The following KCNMA1 variants were observed in gnomAD, a reference collection of about 807,000 sequenced individuals.
The protein encoded by KCNMA1 is potassium calcium-activated channel subfamily M alpha 1.
KCNMA1 carries 29 observed loss-of-function variants against 140.0 expected under a neutral mutation model. The observed-to-expected ratio is 0.21, with a 90% CI of 0.15 to 0.28. The LOEUF (loss-of-function observed/expected upper bound fraction) is 0.28, where lower values mean the gene tolerates loss of function less well. KCNMA1 is among the 10% of genes least tolerant of loss of function. The probability of loss-of-function intolerance (pLI) is 1.00; values close to 1 mark genes in which losing one functional copy is unlikely to be tolerated. For synonymous variants in KCNMA1, 612 were observed against 611.9 expected (o/e 1.00, Z 0.00); for missense variants, 880 against 1,602.2 (o/e 0.55, Z 7.70).
At chr10:77,480,628 A>G (rs573846634) in intron 1 of KCNMA1, among the ~76,000 whole-genome samples, 54 of 152,318 alleles carry the variant, frequency 3.5e-4, no homozygotes, top group African/African-American at 1.3e-3. Context: ...TTTGGAGACC[A>G]GGCTATGGCT....
At chr10:77,134,193 G>C (rs2097923778) in intron 5 of KCNMA1, among the ~76,000 whole-genome samples, 1 of 152,082 alleles carries the variant, frequency 6.6e-6, no homozygotes, top group Admixed American at 6.5e-5. Context: ...TGTAAAAGGA[G>C]TCATACAATC....
At chr10:77,191,550 T>G (rs548756671) in intron 3 of KCNMA1, among the ~76,000 whole-genome samples, 48 of 152,296 alleles carry the variant, frequency 3.2e-4, no homozygotes, top group Non-Finnish European at 8.8e-5. Context: ...ACGGGGCATG[T>G]GTGTTCAATA....
intron 3 of KCNMA1, among the ~76,000 whole-genome samples, chr10:77,216,175 G>A (rs1026882198): frequency 6.6e-6 from 1 of 152,176 alleles, no homozygotes; most frequent in Non-Finnish European, 1.5e-5. Flanking sequence ...GCCTAGGGCT[G>A]AGAAGACTGG....
chr10:76,923,626 G>A (rs902255153), intron 23 of KCNMA1, among the ~76,000 whole-genome samples: 4 of 152,098 alleles, frequency 2.6e-5, no homozygotes, highest in Non-Finnish European at 5.9e-5. Context: ...AGAGCTCATG[G>A]TATCATTGCT....
chr10:76,947,605 G>A (rs937681655), intron 22 of KCNMA1, among the ~76,000 whole-genome samples: 1 of 152,200 alleles, frequency 6.6e-6, no homozygotes, highest in Non-Finnish European at 1.5e-5. Context: ...TTTCTGGAAT[G>A]AGCAAAGCAT....
intron 23 of KCNMA1, chr10:76,929,988 T>G (rs2058850689): frequency 6.6e-6 from 1 of 152,126 alleles, no homozygotes; most frequent in Admixed American, 6.6e-5. Flanking sequence ...ATCAAATGGA[T>G]TAAAGACTTG....
intron 14 of KCNMA1, among the ~76,000 whole-genome samples, chr10:77,046,262 T>C (rs1046825130): frequency 2.6e-5 from 4 of 152,208 alleles, no homozygotes; most frequent in Admixed American, 6.5e-5. Flanking sequence ...TATTTATATA[T>C]ATCAATTATG....
intron 2 of KCNMA1, among the ~76,000 whole-genome samples, chr10:77,328,679 T>A (rs1043456449): frequency 6.6e-6 from 1 of 152,156 alleles, no homozygotes; most frequent in Non-Finnish European, 1.5e-5. Context: ...CCTCTTCTGA[T>A]GCAAATGGTA....
chr10:77,176,728 T>C (rs1196444512), intron 5 of KCNMA1, among the ~76,000 whole-genome samples: 1 of 152,094 alleles, frequency 6.6e-6, no homozygotes, highest in Non-Finnish European at 1.5e-5. Flanking sequence ...AGATTCCTCT[T>C]TGGAAATAAT....
intron 23 of KCNMA1, among the ~76,000 whole-genome samples, chr10:76,944,059 G>T (rs1366200518): frequency 2.0e-5 from 3 of 152,162 alleles, no homozygotes; most frequent in Admixed American, 2.0e-4. Flanking sequence ...AAAATGCTTT[G>T]CATCCTATCC....
In KCNMA1 at chr10:77,030,499, C is replaced by T. The variant is rs77337702; in HGVS notation, c.1860-2608G>A. Among the ~76,000 whole-genome samples the T allele has an allele frequency of 2.4e-4, 37 of 152,212 alleles. No individual in the cohort carries two copies. The East Asian group carries it at 6.8e-3, about 28-fold the overall frequency. On this transcript the variant is annotated intron_variant, in intron 15 of 27. Coordinates refer to ENST00000286628, the MANE Select transcript of KCNMA1 (RefSeq NM_001161352.2). ...GGCTGATCTTAAACTTAGTATGGAT[C>T]GTGCAAAGGTTAATTTGCTAATATC...
intron 1 of KCNMA1, among the ~76,000 whole-genome samples, chr10:77,523,652 T>A (rs1027483342): frequency 1.3e-5 from 2 of 152,370 alleles, no homozygotes; most frequent in Admixed American, 6.5e-5. Context: ...GTTAGTTCCA[T>A]GGGTGTGTTC....
chr10:77,470,794 C>T (rs1023375275), intron 1 of KCNMA1, among the ~76,000 whole-genome samples: 2 of 152,168 alleles, frequency 1.3e-5, no homozygotes, highest in African/African-American at 4.8e-5. Context: ...TCAAAAACTA[C>T]TTCTTTAGAA....
chr10:77,475,802 C>G (rs964454195), intron 1 of KCNMA1, among the ~76,000 whole-genome samples: 1 of 151,950 alleles, frequency 6.6e-6, no homozygotes, highest in Non-Finnish European at 1.5e-5. Context: ...CTGGAAGGGC[C>G]CTTGGCAATC....
chr10:77,571,797 G>T (rs2071455607), intron 1 of KCNMA1, among the ~76,000 whole-genome samples: 2 of 152,270 alleles, frequency 1.3e-5, no homozygotes, highest in East Asian at 1.9e-4. Context: ...CTTTCTTAGA[G>T]CCTAGATCTG....
At chr10:77,273,762 T>C (rs2065856390) in intron 2 of KCNMA1, among the ~76,000 whole-genome samples, 1 of 152,168 alleles carries the variant, frequency 6.6e-6, no homozygotes, top group African/African-American at 2.4e-5. Flanking sequence ...TGGAAAGCAG[T>C]CCACCTGTAA....
At chr10:77,277,416 A>T (rs1266550058) in intron 2 of KCNMA1, among the ~76,000 whole-genome samples, 2 of 152,182 alleles carry the variant, frequency 1.3e-5, no homozygotes, top group African/African-American at 4.8e-5. Context: ...ATGCATTTTT[A>T]AAACTTCCGA....
At chr10:77,340,909 C>A (rs1453555979) in intron 2 of KCNMA1, among the ~76,000 whole-genome samples, 7 of 151,680 alleles carry the variant, frequency 4.6e-5, no homozygotes, top group African/African-American at 1.7e-4. Context: ...ATAATCCTTA[C>A]CCATCTGACT....
At chr10:77,074,628 A>G (rs1213086597) in intron 13 of KCNMA1, among the ~76,000 whole-genome samples, 1 of 152,240 alleles carries the variant, frequency 6.6e-6, no homozygotes, top group East Asian at 1.9e-4. Flanking sequence ...ACTGGTATAT[A>G]TTCCAAGAAA....
Sources: allele counts gnomAD v4.1 joint callset (sites outside exome capture counted in the v4.1 genomes callset), GRCh38; gene constraint gnomAD v4.1.1; transcripts MANE v1.5; gene names NCBI Gene and HGNC (gene_info 2026-07-23, HGNC 2026-07-21).